Variants in AKAP6 observed in about 807,000 individuals in gnomAD.
AKAP6 encodes the protein A-kinase anchor protein 6.
Under a neutral mutation model 188.5 loss-of-function variants are expected in AKAP6, and 58 were observed. The ratio of observed to expected loss-of-function variants is 0.31; its 90% CI spans 0.25 to 0.38. The LOEUF (loss-of-function observed/expected upper bound fraction) is 0.38. AKAP6 is among the 10% of genes least tolerant of loss of function. The pLI, the probability that AKAP6 is intolerant of heterozygous loss-of-function variation, is 1.00. For synonymous variants in AKAP6, 989 were observed against 998.6 expected (o/e 0.99, Z 0.18); for missense variants, 2,710 against 2,740.0 (o/e 0.99, Z 0.24).
chr14:32,814,245 T>G (rs901591746), intron 12 of AKAP6, among the ~76,000 whole-genome samples: 2 of 152,214 alleles, frequency 1.3e-5, no homozygotes, highest in Non-Finnish European at 2.9e-5. Context: ...ATAAAGTTAA[T>G]CACTTTAAAG....
At chr14:32,436,967 T>C (rs1379180173) in intron 2 of AKAP6, among the ~76,000 whole-genome samples, 1 of 152,144 alleles carries the variant, frequency 6.6e-6, no homozygotes, top group Non-Finnish European at 1.5e-5. Context: ...GTCATGTCAC[T>C]TCCTTGCTTC....
At chr14:32,672,643 T>C (rs1300525468) in intron 7 of AKAP6, among the ~76,000 whole-genome samples, 1 of 152,130 alleles carries the variant, frequency 6.6e-6, no homozygotes, top group East Asian at 1.9e-4. Flanking sequence ...TATAGTCACA[T>C]TGGGGGTTAG....
In AKAP6 at chr14:32,463,185, G is replaced by A. The variant is rs114092041; in HGVS notation, c.324+29368G>A. ...TAACACCTCACTGTCGATATTAAATGATCACCAAGACAGAAAATTAATAAG... is the reference window on the plus strand; with the variant it reads ...TAACACCTCACTGTCGATATTAAATAATCACCAAGACAGAAAATTAATAAG... On this transcript the variant is annotated intron_variant, in intron 2 of 13. Coordinates refer to ENST00000280979, the MANE Select transcript of AKAP6 (RefSeq NM_004274.5). Among the ~76,000 whole-genome samples the A allele has an allele frequency of 6.6e-3, 1,004 of 152,116 alleles. 12 individuals are homozygous for A. The highest frequency in any genetic ancestry group is 0.023 in the African/African-American group (936 of 41,504).
At chr14:32,517,890 C>T (rs562044284) in intron 2 of AKAP6, among the ~76,000 whole-genome samples, 12 of 152,298 alleles carry the variant, frequency 7.9e-5, no homozygotes, top group South Asian at 4.2e-4. Flanking sequence ...AGGGACAGAC[C>T]GCCTCCTCAA....
At position 32,629,589 on chromosome 14, in the gene AKAP6, T is replaced by A. The variant is rs78435915; in HGVS notation, c.2730+28797T>A. Among the ~76,000 whole-genome samples the A allele has an allele frequency of 1.4e-3, 211 of 151,834 alleles. 5 individuals are homozygous for A. The East Asian group carries it at 0.036, about 26-fold the overall frequency. Reference sequence around the variant, plus strand: ...TGTAAGTGGGTCTCTCTTATAAATGTGAGGGGCCAACCCTAAGCTTTGTTG... The same window carrying A: ...TGTAAGTGGGTCTCTCTTATAAATGAGAGGGGCCAACCCTAAGCTTTGTTG... On this transcript the variant is annotated intron_variant, in intron 7 of 13. Transcript: ENST00000280979.
chr14:32,825,485 C>A (rs550979832), intron 13 of AKAP6, among the ~76,000 whole-genome samples: 1 of 152,134 alleles, frequency 6.6e-6, no homozygotes, highest in Non-Finnish European at 1.5e-5. Flanking sequence ...AAGTTAATGG[C>A]GTTTTGATAA....
At chr14:32,625,073 T>A (rs1886962640) in intron 7 of AKAP6, among the ~76,000 whole-genome samples, 1 of 152,136 alleles carries the variant, frequency 6.6e-6, no homozygotes, top group African/African-American at 2.4e-5. Flanking sequence ...ATTATAAGTT[T>A]GTTTTCAATT....
At chr14:32,413,218 G>A (rs1448577440) in intron 1 of AKAP6, among the ~76,000 whole-genome samples, 2 of 86,128 alleles carry the variant, frequency 2.3e-5, no homozygotes, top group Non-Finnish European at 4.4e-5. Flanking sequence ...GTCTTGCTTT[G>A]TTGCCCAGGC....
chr14:32,724,417 A>G (rs188138626), intron 9 of AKAP6, among the ~76,000 whole-genome samples: 6 of 152,296 alleles, frequency 3.9e-5, no homozygotes, highest in African/African-American at 1.4e-4. Context: ...CTGGAAGTGC[A>G]TACGCCTGAT....
At chr14:32,442,731 A>T (rs1449541096) in intron 2 of AKAP6, 1 of 152,150 alleles carries the variant, frequency 6.6e-6, no homozygotes, top group East Asian at 1.9e-4. Context: ...AGAAGATCCA[A>T]CCTGTGTGTA....
At chr14:32,603,043 AG>A (rs1333253654) in intron 7 of AKAP6, among the ~76,000 whole-genome samples, 1 of 152,144 alleles carries the variant, frequency 6.6e-6, no homozygotes, top group African/African-American at 2.4e-5. Flanking sequence ...AAGAAAAGGG[AG>A]TCACAAGAGG....
At chr14:32,758,532 GAGATC>G (rs1281681393) in intron 11 of AKAP6, among the ~76,000 whole-genome samples, 1 of 152,166 alleles carries the variant, frequency 6.6e-6, no homozygotes, top group Non-Finnish European at 1.5e-5. Flanking sequence ...TCAGGAGTTT[GAGATC>G]AGCCTGACCA....
intron 11 of AKAP6, among the ~76,000 whole-genome samples, chr14:32,760,032 T>C (rs1177868571): frequency 1.3e-5 from 2 of 152,264 alleles, no homozygotes; most frequent in Non-Finnish European, 2.9e-5. Context: ...TGCTTACGCA[T>C]GTGGTTCTCA....
intron 12 of AKAP6, among the ~76,000 whole-genome samples, chr14:32,805,034 C>T (rs2034053292): frequency 6.6e-6 from 1 of 152,118 alleles, no homozygotes; most frequent in Non-Finnish European, 1.5e-5. Flanking sequence ...ATTTTTCAAA[C>T]ACATGTTTTA....
intron 7 of AKAP6, among the ~76,000 whole-genome samples, chr14:32,644,262 G>A (rs1048005385): frequency 1.3e-5 from 2 of 152,184 alleles, no homozygotes; most frequent in Admixed American, 6.5e-5. Context: ...TTGAAGGGGT[G>A]TTAGGAATAA....
chr14:32,816,000 C>A (rs1474905186), intron 12 of AKAP6, among the ~76,000 whole-genome samples: 1 of 152,158 alleles, frequency 6.6e-6, no homozygotes, highest in African/African-American at 2.4e-5. Flanking sequence ...CCTCCAGTTG[C>A]AAAATGGCTG....
At chr14:32,478,873 G>C (rs963690177) in intron 2 of AKAP6, among the ~76,000 whole-genome samples, 18 of 152,270 alleles carry the variant, frequency 1.2e-4, no homozygotes, top group Admixed American at 1.2e-3. Flanking sequence ...AAGAATTCCT[G>C]ATTTCTACTG....
At chr14:32,677,962 A>T (rs1416978527) in intron 7 of AKAP6, among the ~76,000 whole-genome samples, 2 of 152,212 alleles carry the variant, frequency 1.3e-5, no homozygotes, top group Non-Finnish European at 2.9e-5. Context: ...GGGGATTTTT[A>T]AAAAATAAGT....
chr14:32,829,908 C>T lies in AKAP6; in HGVS notation c.*103C>T. The T allele has an allele frequency of 1.4e-6, 1 of 702,752 alleles. No individual in the cohort carries two copies. The highest frequency in any genetic ancestry group is 2.6e-6 in the Non-Finnish European group (1 of 384,794). The allele number at this position is 702,752 out of a possible 1,614,324, so 43.5% of individuals were successfully genotyped here. On this transcript the variant is annotated 3_prime_UTR_variant, in exon 14 of 14. Coordinates refer to ENST00000280979, the MANE Select transcript of AKAP6 (RefSeq NM_004274.5). ...TCCCGCCCTGGGCTGGCCTCTGGTT[C>T]CATCACGTTTGTCACTGCCGTTTAT...
Sources: allele counts gnomAD v4.1 joint callset (sites outside exome capture counted in the v4.1 genomes callset), GRCh38; gene constraint gnomAD v4.1.1; transcripts MANE v1.5; gene names NCBI Gene and HGNC (gene_info 2026-07-23, HGNC 2026-07-21).